The following PPFIBP1 variants were observed in gnomAD, a reference collection of about 807,000 sequenced individuals.
PPFIBP1 encodes the protein PPFIB scaffold protein 1.
Under a neutral mutation model 137.8 loss-of-function variants are expected in PPFIBP1, and 112 were observed. The ratio of observed to expected loss-of-function variants is 0.81; its 90% CI spans 0.70 to 0.95. PPFIBP1 has a LOEUF of 0.95. Ranked by LOEUF, PPFIBP1 falls within the 40% of genes least tolerant of loss-of-function variation. PPFIBP1 has a pLI of 0.00. For synonymous variants in PPFIBP1, 378 were observed against 417.3 expected, an observed-to-expected ratio of 0.91 and a Z score of 1.15; for missense variants, 1,083 against 1,196.6, an observed-to-expected ratio of 0.91 and a Z score of 1.40.
At chr12:27,545,004 A>G (rs1946079976) in intron 1 of PPFIBP1, among the ~76,000 whole-genome samples, 1 of 152,264 alleles carries the variant, frequency 6.6e-6, no homozygotes, top group African/African-American at 2.4e-5. Context: ...TCAATGATAG[A>G]CTAGATAAAG....
Position 27,537,762 on chromosome 12 carries a change from A to C in PPFIBP1, c.-124+13397A>C, listed in dbSNP as rs562971549. On this transcript the variant is annotated intron_variant, in intron 1 of 29. Coordinates refer to ENST00000228425, the MANE Select transcript of PPFIBP1 (RefSeq NM_003622.4). ...GCTGGTGCCTTAAAGAACAAGATGG[A>C]CTGGGCATGGGGAGAAAGATGCCCA... Among the ~76,000 whole-genome samples the C allele has an allele frequency of 1.0e-3, 157 of 151,922 alleles. 1 individual carries two copies. Among genetic ancestry groups the C allele is most frequent in the Non-Finnish European group, 1.9e-3 (129 of 67,876 alleles).
At chr12:27,560,694 G>C (rs569337156) in intron 1 of PPFIBP1, among the ~76,000 whole-genome samples, 1 of 152,212 alleles carries the variant, frequency 6.6e-6, no homozygotes, top group African/African-American at 2.4e-5. Context: ...AAGATGAGTA[G>C]ATAGAGGTTG....
At chr12:27,579,768 C>T (rs192625565) in intron 2 of PPFIBP1, among the ~76,000 whole-genome samples, 19 of 152,184 alleles carry the variant, frequency 1.2e-4, no homozygotes, top group Admixed American at 5.2e-4. Flanking sequence ...CATTTTAATT[C>T]GTGGCACTTT....
chr12:27,557,869 A>G (rs141044987), intron 1 of PPFIBP1, among the ~76,000 whole-genome samples: 47 of 152,318 alleles, frequency 3.1e-4, no homozygotes, highest in African/African-American at 1.1e-3. Flanking sequence ...CCTTATATTT[A>G]TTTTCAAGCA....
intron 4 of PPFIBP1, among the ~76,000 whole-genome samples, chr12:27,638,519 G>A (rs1367059130): frequency 6.6e-6 from 1 of 152,166 alleles, no homozygotes; most frequent in Non-Finnish European, 1.5e-5. Flanking sequence ...CTGTAAAATG[G>A]GGATGATGGT....
At chr12:27,585,708 T>A (rs2051659246) in intron 2 of PPFIBP1, among the ~76,000 whole-genome samples, 1 of 152,154 alleles carries the variant, frequency 6.6e-6, no homozygotes, top group South Asian at 2.1e-4. Context: ...CAAGGCAGAG[T>A]GAGGTTAATT....
At chr12:27,593,068 G>C (rs548090062) in intron 2 of PPFIBP1, among the ~76,000 whole-genome samples, 1 of 143,654 alleles carries the variant, frequency 7.0e-6, no homozygotes. Flanking sequence ...GGAAGTAGAG[G>C]TTGCAGTGAG....
intron 2 of PPFIBP1, among the ~76,000 whole-genome samples, chr12:27,611,661 G>A (rs541247270): frequency 6.6e-6 from 1 of 152,096 alleles, no homozygotes; most frequent in Non-Finnish European, 1.5e-5. Context: ...TTGCTTTTTA[G>A]CTATACTTAT....
chr12:27,647,415 G>C (rs7972446), intron 5 of PPFIBP1, among the ~76,000 whole-genome samples: 138,072 of 152,160 alleles, frequency 0.91, 64,193 homozygotes, highest in East Asian at 1. Context: ...CTATCTCCAC[G>C]CTGCCCCCTA....
At chr12:27,593,616 A>G in intron 2 of PPFIBP1, 1 of 447,212 alleles carries the variant, frequency 2.2e-6, no homozygotes, top group South Asian at 2.3e-5. Context: ...CAGATTTTCT[A>G]GAAATGTCTG....
intron 1 of PPFIBP1, 90 bp downstream of exon 1, chr12:27,524,455 C>T (rs1943473544): frequency 6.6e-6 from 1 of 152,012 alleles, no homozygotes; most frequent in Non-Finnish European, 1.5e-5. Context: ...CTCCTCTTCC[C>T]CGGGTCGATT....
At chr12:27,560,096 G>C (rs1256990225) in intron 1 of PPFIBP1, among the ~76,000 whole-genome samples, 1 of 152,188 alleles carries the variant, frequency 6.6e-6, no homozygotes, top group Non-Finnish European at 1.5e-5. Context: ...TTTTTAAAAT[G>C]TACACCCAGA....
intron 1 of PPFIBP1, among the ~76,000 whole-genome samples, chr12:27,566,113 C>T (rs2049641055): frequency 6.6e-6 from 1 of 151,930 alleles, no homozygotes; most frequent in Non-Finnish European, 1.5e-5. Flanking sequence ...TTTTGGTTCC[C>T]TATACCATGT....
At chr12:27,554,288 G>A (rs1379014152) in intron 1 of PPFIBP1, among the ~76,000 whole-genome samples, 1 of 152,200 alleles carries the variant, frequency 6.6e-6, no homozygotes, top group Non-Finnish European at 1.5e-5. Context: ...TAGTGAAGCT[G>A]TTCCCTCCAT....
In PPFIBP1 at chr12:27,681,635, G is replaced by T. The variant is rs546627937; in HGVS notation, c.1985G>T (p.Gly662Val). 6.2e-7 allele frequency: 1 copy of T among 1,614,148 alleles called. No homozygotes were observed. The highest frequency in any genetic ancestry group is 8.5e-7 in the Non-Finnish European group (1 of 1,180,016). Residue 662 changes from glycine (G) to valine (V), a missense_variant, in exon 22 of 30, where the codon GGC becomes GTC. By Grantham distance (109) the Gly-to-Val change is moderately radical. Transcript: ENST00000228425. ...GGCTTGGGCTCGTACCTGAATTCTG[G>T]CAAGCACTGGATTGCATCTGGCCAA... ...EQGLGSYLNSGKHWIASGQTL... is the reference protein window; with the variant it reads ...EQGLGSYLNSVKHWIASGQTL...
intron 28 of PPFIBP1, among the ~76,000 whole-genome samples, chr12:27,692,248 A>G (rs1315060113): frequency 6.6e-6 from 1 of 152,186 alleles, no homozygotes; most frequent in African/African-American, 2.4e-5. Context: ...TGTCATATTT[A>G]CCAATATTTT....
chr12:27,623,241 A>G (rs947498947), intron 2 of PPFIBP1, among the ~76,000 whole-genome samples: 6 of 152,220 alleles, frequency 3.9e-5, no homozygotes, highest in Admixed American at 6.5e-5. Context: ...ATACTCCTCC[A>G]TAATACTGGG....
chr12:27,653,852 C>G (rs1035346564), intron 7 of PPFIBP1, among the ~76,000 whole-genome samples: 3 of 152,074 alleles, frequency 2.0e-5, no homozygotes, highest in African/African-American at 7.2e-5. Flanking sequence ...TGTGTTGTGT[C>G]ATATAAACAC....
At chr12:27,557,338 C>T (rs1459958701) in intron 1 of PPFIBP1, among the ~76,000 whole-genome samples, 2 of 151,244 alleles carry the variant, frequency 1.3e-5, no homozygotes, top group African/African-American at 2.4e-5. Flanking sequence ...TGGGTTCAAG[C>T]GATTCTCCTG....
Sources: allele counts gnomAD v4.1 joint callset (sites outside exome capture counted in the v4.1 genomes callset), GRCh38; gene constraint gnomAD v4.1.1; transcripts MANE v1.5; gene names NCBI Gene and HGNC (gene_info 2026-07-23, HGNC 2026-07-21).